The following KCNQ5 variants were observed in gnomAD, a reference collection of about 807,000 sequenced individuals.
The protein encoded by KCNQ5 is potassium voltage-gated channel subfamily Q member 5, also known as potassium voltage-gated channel subfamily KQT member 5.
Under a neutral mutation model 98.2 loss-of-function variants are expected in KCNQ5, and 30 were observed. The ratio of observed to expected loss-of-function variants is 0.31; its 90% confidence interval spans 0.23 to 0.41. KCNQ5 has a LOEUF of 0.41. Among genes scored for constraint, KCNQ5 ranks in the 10% least tolerant of loss-of-function variants. The pLI is 1.00. For missense variants in KCNQ5, 835 were observed against 1,182.5 expected, an observed-to-expected ratio of 0.71 and a Z score of 4.31; for synonymous variants, 458 against 449.4, an observed-to-expected ratio of 1.02 and a Z score of -0.24.
At chr6:73,060,551 T>C (rs1772732464) in intron 3 of KCNQ5, among the ~76,000 whole-genome samples, 1 of 152,122 alleles carries the variant, frequency 6.6e-6, no homozygotes, top group African/African-American at 2.4e-5. Flanking sequence ...GGAGAAAATA[T>C]TGATAGAATA....
intron 1 of KCNQ5, among the ~76,000 whole-genome samples, chr6:72,964,588 A>G (rs1767519032): frequency 6.6e-6 from 1 of 152,232 alleles, no homozygotes; most frequent in South Asian, 2.1e-4. Flanking sequence ...ATAATTTAAT[A>G]ACAGCAATAC....
At chr6:72,884,466 T>C (rs1354328362) in intron 1 of KCNQ5, among the ~76,000 whole-genome samples, 1 of 152,150 alleles carries the variant, frequency 6.6e-6, no homozygotes, top group Admixed American at 6.5e-5. Flanking sequence ...AGATGAGAGA[T>C]AGCATCAGAA....
chr6:72,776,801 C>A lies in KCNQ5; in HGVS notation c.398+154214C>A, dbSNP rs185595521. 4.6e-5 allele frequency among the ~76,000 whole-genome samples: 7 copies of A among 152,132 alleles called. No homozygotes were observed. In the East Asian group the frequency reaches 1.2e-3, roughly 25 times the overall value. ...GAATTTATCCTTCAGGTGGAGGAGG[C>A]AGGGACAGGGAGAGGCAGAAAAATA... On this transcript the variant is annotated intron_variant, in intron 1 of 13. Coordinates refer to ENST00000370398, the MANE Select transcript of KCNQ5 (RefSeq NM_019842.4).
At chr6:72,915,941 CA>C (rs1408770252) in intron 1 of KCNQ5, among the ~76,000 whole-genome samples, 1 of 152,136 alleles carries the variant, frequency 6.6e-6, no homozygotes. Context: ...CCAAAATTCT[CA>C]CCTAAACTAG....
chr6:73,185,966 T>A (rs1212218618), intron 11 of KCNQ5, among the ~76,000 whole-genome samples: 1 of 152,220 alleles, frequency 6.6e-6, no homozygotes, highest in Non-Finnish European at 1.5e-5. Context: ...GGTTCATGCC[T>A]GTAATCCCAG....
At chr6:72,781,523 T>A (rs1029999777) in intron 1 of KCNQ5, among the ~76,000 whole-genome samples, 7 of 152,194 alleles carry the variant, frequency 4.6e-5, no homozygotes, top group African/African-American at 1.7e-4. Context: ...TAGTTGATGA[T>A]CTCATGGGCC....
intron 1 of KCNQ5, among the ~76,000 whole-genome samples, chr6:72,827,160 A>G (rs1296486089): frequency 1.3e-5 from 2 of 152,146 alleles, no homozygotes; most frequent in Non-Finnish European, 2.9e-5. Context: ...TATCTTGGCT[A>G]TTGTGAATAG....
At chr6:72,837,115 A>G (rs1306084632) in intron 1 of KCNQ5, among the ~76,000 whole-genome samples, 1 of 152,202 alleles carries the variant, frequency 6.6e-6, no homozygotes, top group African/African-American at 2.4e-5. Context: ...CACCTCCTGG[A>G]GACCACTATT....
chr6:72,854,214 A>T (rs866718947), intron 1 of KCNQ5, among the ~76,000 whole-genome samples: 1 of 152,210 alleles, frequency 6.6e-6, no homozygotes, highest in Admixed American at 6.5e-5. Flanking sequence ...TAGTTTGCTT[A>T]GTAGAAAAGT....
intron 3 of KCNQ5, among the ~76,000 whole-genome samples, chr6:73,049,684 C>T (rs947766446): frequency 4.6e-5 from 7 of 152,088 alleles, no homozygotes; most frequent in Admixed American, 2.0e-4. Flanking sequence ...TTTCAAGATC[C>T]GTATTTTCAG....
At chr6:72,791,794 G>A (rs555997124) in intron 1 of KCNQ5, among the ~76,000 whole-genome samples, 11 of 152,242 alleles carry the variant, frequency 7.2e-5, no homozygotes, top group East Asian at 3.9e-4. Context: ...AAGGCATCAC[G>A]TACCAAGAGA....
At chr6:72,986,733 C>T in intron 1 of KCNQ5, 3 of 1,457,872 alleles carry the variant, frequency 2.1e-6, no homozygotes, top group Non-Finnish European at 2.9e-6. Context: ...ATGTCCCATG[C>T]CTCTGGGGTG....
At chr6:72,784,678 C>T (rs1582283575) in intron 1 of KCNQ5, among the ~76,000 whole-genome samples, 1 of 152,178 alleles carries the variant, frequency 6.6e-6, no homozygotes, top group Admixed American at 6.5e-5. Flanking sequence ...CACCTCCAAC[C>T]TGCATTCCAG....
At chr6:73,190,836 T>G (rs1187366005) in intron 12 of KCNQ5, 132 bp downstream of exon 12, 1 of 501,770 alleles carries the variant, frequency 2.0e-6, no homozygotes, top group African/African-American at 2.0e-5. Context: ...TGGAATTTGC[T>G]TTAAACATTG....
At chr6:73,124,545 T>G in intron 9 of KCNQ5, 33 bp downstream of exon 9, 1 of 1,601,712 alleles carries the variant, frequency 6.2e-7, no homozygotes, top group Non-Finnish European at 8.6e-7. Flanking sequence ...CATGTTTGTT[T>G]ATAAATCTGA....
At chr6:73,116,962 A>G (rs971305909) in intron 7 of KCNQ5, among the ~76,000 whole-genome samples, 1 of 152,066 alleles carries the variant, frequency 6.6e-6, no homozygotes, top group Non-Finnish European at 1.5e-5. Context: ...CAAACAAAAT[A>G]CTCCCAAAAA....
rs1355204350 is a variant in KCNQ5, at chr6:72,622,262, G to T, written c.73G>T (p.Ala25Ser). Residue 25 changes from alanine (A) to serine (S), a missense_variant, in exon 1 of 14, where the codon GCG (alanine) becomes TCG (serine). By Grantham distance (99) the Ala-to-Ser change is moderately conservative. Coordinates refer to ENST00000370398, the MANE Select transcript of KCNQ5 (RefSeq NM_019842.4). This position sits in a 1 kb window ranked among gnomAD's most constrained non-coding sequence, Gnocchi z 6.0. ...GLWVKSGAAAAAAGGGRLGSG... is the reference protein window; with the variant it reads ...GLWVKSGAAASAAGGGRLGSG... ...CTGGGTGAAGAGCGGCGCAGCGGCG[G>T]CGGCGGCGGGCGGGGGGCGCTTGGG... The T allele has an allele frequency of 3.2e-6, 4 of 1,268,578 alleles. No individual in the cohort carries two copies. Among genetic ancestry groups the T allele is most frequent in the Non-Finnish European group, 4.0e-6 (4 of 1,011,422 alleles). 78.6% of individuals were successfully genotyped at this position (1,268,578 alleles called of 1,614,324 possible).
At chr6:72,729,047 T>TC (rs538458244) in intron 1 of KCNQ5, among the ~76,000 whole-genome samples, 76 of 152,328 alleles carry the variant, frequency 5.0e-4, no homozygotes, top group Non-Finnish European at 8.8e-4. Flanking sequence ...GTTCTTTTTT[T>TC]CACTTAATAT....
At chr6:72,946,570 GA>G (rs922927608) in intron 1 of KCNQ5, among the ~76,000 whole-genome samples, 3 of 151,866 alleles carry the variant, frequency 2.0e-5, no homozygotes, top group Non-Finnish European at 2.9e-5. Flanking sequence ...TTAATTTGTA[GA>G]AAAAAATAGA....
Sources: allele counts gnomAD v4.1 joint callset (sites outside exome capture counted in the v4.1 genomes callset), GRCh38; gene constraint gnomAD v4.1.1; non-coding constraint Gnocchi (gnomAD v3.1); transcripts MANE v1.5; gene names NCBI Gene and HGNC (gene_info 2026-07-23, HGNC 2026-07-21).